Variants in WWOX observed in about 807,000 individuals in gnomAD.
WWOX encodes WW domain containing oxidoreductase.
WWOX carries 69 observed loss-of-function variants against 46.2 expected under a neutral mutation model. That is an observed-to-expected ratio of 1.49 (90% CI 1.23 to 1.82). The LOEUF is 1.82. WWOX is among the 40% of genes most tolerant of loss of function. The pLI is 0.00. For missense variants in WWOX, 919 were observed against 542.6 expected, an observed-to-expected ratio of 1.69 and a Z score of -6.89; for synonymous variants, 359 against 202.6, an observed-to-expected ratio of 1.77 and a Z score of -6.56.
intron 8 of WWOX, among the ~76,000 whole-genome samples, chr16:78,499,505 T>G (rs574910149): frequency 6.6e-6 from 1 of 152,208 alleles, no homozygotes; most frequent in Non-Finnish European, 1.5e-5. Flanking sequence ...CTTTGGCAAC[T>G]AGCAGCGACT....
At chr16:79,183,017 C>G (rs889097589) in intron 8 of WWOX, among the ~76,000 whole-genome samples, 6 of 152,228 alleles carry the variant, frequency 3.9e-5, no homozygotes, top group African/African-American at 1.4e-4. Flanking sequence ...TCGTCTGACA[C>G]ACATATTTCA....
intron 8 of WWOX, among the ~76,000 whole-genome samples, chr16:79,039,576 G>A (rs771268511): frequency 3.9e-5 from 6 of 152,186 alleles, no homozygotes; most frequent in Non-Finnish European, 8.8e-5. Context: ...CATTGTCACT[G>A]TTGCCAGATG....
chr16:78,911,230 G>C, intron 8 of WWOX, among the ~76,000 whole-genome samples: 1 of 151,886 alleles, frequency 6.6e-6, no homozygotes, highest in Non-Finnish European at 1.5e-5. Flanking sequence ...TATTTCCAGA[G>C]CAATTTTGGT....
intron 5 of WWOX, among the ~76,000 whole-genome samples, chr16:78,258,162 GT>G (rs1468501544): frequency 1.3e-5 from 2 of 152,084 alleles, no homozygotes; most frequent in African/African-American, 4.8e-5. Flanking sequence ...TCCTAATGAA[GT>G]TTGAAGGAAG....
chr16:78,892,552 G>C (rs1250660270), intron 8 of WWOX, among the ~76,000 whole-genome samples: 2 of 152,224 alleles, frequency 1.3e-5, no homozygotes, highest in Non-Finnish European at 2.9e-5. Context: ...TTCTTGTTCA[G>C]AGCGTTCTTC....
chr16:78,193,133 A>G (rs181499709), intron 5 of WWOX, among the ~76,000 whole-genome samples: 5 of 152,308 alleles, frequency 3.3e-5, no homozygotes, highest in African/African-American at 1.2e-4. Flanking sequence ...CTGTTCATAC[A>G]TTGTTGTACC....
intron 8 of WWOX, among the ~76,000 whole-genome samples, chr16:78,717,061 A>G (rs888618648): frequency 3.9e-5 from 6 of 152,194 alleles, no homozygotes; most frequent in South Asian, 4.1e-4. Context: ...AAAAGTTTAA[A>G]AGGGTAAATG....
intron 8 of WWOX, among the ~76,000 whole-genome samples, chr16:78,815,522 C>T (rs1430283976): frequency 6.6e-6 from 1 of 152,258 alleles, no homozygotes; most frequent in East Asian, 1.9e-4. Flanking sequence ...CTTGCCAGGA[C>T]CCTGACCAAG....
intron 8 of WWOX, among the ~76,000 whole-genome samples, chr16:79,143,103 G>GA (rs529391224): frequency 6.6e-6 from 1 of 151,922 alleles, no homozygotes; most frequent in Non-Finnish European, 1.5e-5. Flanking sequence ...ATTTGGCTTT[G>GA]AAAAAAAAGT....
chr16:78,590,737 C>G (rs919803562), intron 8 of WWOX, among the ~76,000 whole-genome samples: 2 of 152,104 alleles, frequency 1.3e-5, no homozygotes, highest in Admixed American at 6.5e-5. Flanking sequence ...GTTGCAAGGT[C>G]GGGTAGATGG....
intron 8 of WWOX, among the ~76,000 whole-genome samples, chr16:78,926,150 G>A (rs1278752593): frequency 6.6e-6 from 1 of 152,148 alleles, no homozygotes; most frequent in East Asian, 1.9e-4. Context: ...AAAATGGGTG[G>A]ATCATTTGAG....
chr16:78,252,891 G>A (rs1190360432), intron 5 of WWOX, among the ~76,000 whole-genome samples: 11 of 152,100 alleles, frequency 7.2e-5, no homozygotes, highest in South Asian at 4.1e-4. Flanking sequence ...AGTAAAGGTC[G>A]GTTTAGAACA....
At chr16:78,950,270 G>C (rs1250861546) in intron 8 of WWOX, among the ~76,000 whole-genome samples, 1 of 152,110 alleles carries the variant, frequency 6.6e-6, no homozygotes, top group African/African-American at 2.4e-5. Context: ...GACATGATGT[G>C]TGTGCCTTTG....
At chr16:79,001,083 G>C (rs1567473582) in intron 8 of WWOX, among the ~76,000 whole-genome samples, 1 of 152,198 alleles carries the variant, frequency 6.6e-6, no homozygotes, top group Non-Finnish European at 1.5e-5. Context: ...GCAGGAGAAA[G>C]AAGGGCAAGG....
chr16:78,159,895 T>G (rs2034733977), intron 4 of WWOX, among the ~76,000 whole-genome samples: 1 of 152,052 alleles, frequency 6.6e-6, no homozygotes, highest in Admixed American at 6.5e-5. Context: ...TGTGGCATAA[T>G]GTTGTCCTTT....
intron 1 of WWOX, among the ~76,000 whole-genome samples, chr16:78,107,156 C>G (rs1053200653): frequency 6.6e-6 from 1 of 152,194 alleles, no homozygotes; most frequent in Non-Finnish European, 1.5e-5. Context: ...ATATAACTTT[C>G]TGGGTTGGCA....
chr16:78,897,844 T>G (rs919919081), intron 8 of WWOX: 6 of 152,168 alleles, frequency 3.9e-5, no homozygotes, highest in Admixed American at 6.5e-5. Context: ...GTAATTTCAG[T>G]CTTTTTAATT....
At chr16:78,641,352 C>T (rs918033520) in intron 8 of WWOX, among the ~76,000 whole-genome samples, 1 of 151,974 alleles carries the variant, frequency 6.6e-6, no homozygotes, top group African/African-American at 2.4e-5. Context: ...AATTAGAAGC[C>T]TGGAAGGACA....
chr16:78,762,270 C>T (rs965944250), intron 8 of WWOX, among the ~76,000 whole-genome samples: 2 of 152,192 alleles, frequency 1.3e-5, no homozygotes, highest in Non-Finnish European at 2.9e-5. Context: ...CCTCTTGGTA[C>T]TCAAAGCTTG....
Sources: allele counts gnomAD v4.1 joint callset (sites outside exome capture counted in the v4.1 genomes callset), GRCh38; gene constraint gnomAD v4.1.1; transcripts MANE v1.5; gene names NCBI Gene and HGNC (gene_info 2026-07-23, HGNC 2026-07-21).